The following ERC2 variants were observed in gnomAD, a reference collection of about 807,000 sequenced individuals.
The protein encoded by ERC2 is ELKS/RAB6-interacting/CAST family member 2, also known as ERC protein 2.
In ERC2, 42 loss-of-function variants were observed where a neutral mutation model predicts 114.8. The ratio of observed to expected loss-of-function variants is 0.37; its 90% CI spans 0.29 to 0.47. The LOEUF is 0.47. ERC2 is among the 20% of genes least tolerant of loss of function. The pLI is 0.99. For missense variants in ERC2, 939 were observed against 1,150.7 expected (o/e 0.82, Z 2.66); for synonymous variants, 454 against 425.5 (o/e 1.07, Z -0.82).
At chr3:56,067,968 C>G (rs889615383) in intron 7 of ERC2, among the ~76,000 whole-genome samples, 1 of 152,096 alleles carries the variant, frequency 6.6e-6, no homozygotes, top group Non-Finnish European at 1.5e-5. Flanking sequence ...ATTTTCGCAT[C>G]GATTTTCATC....
intron 2 of ERC2, among the ~76,000 whole-genome samples, chr3:56,400,144 AC>A: frequency 6.6e-6 from 1 of 152,142 alleles, no homozygotes; most frequent in Admixed American, 6.6e-5. Flanking sequence ...TATATTTAGA[AC>A]TTTTTTAAAG....
chr3:56,271,538 C>G (rs559884862), intron 3 of ERC2, among the ~76,000 whole-genome samples: 3 of 152,086 alleles, frequency 2.0e-5, no homozygotes, highest in African/African-American at 7.2e-5. Flanking sequence ...AGTACAATCA[C>G]GGGCCCAAAC....
At chr3:56,276,735 G>C (rs759393855) in intron 3 of ERC2, among the ~76,000 whole-genome samples, 2 of 152,124 alleles carry the variant, frequency 1.3e-5, no homozygotes, top group Non-Finnish European at 2.9e-5. Context: ...CTAGTGCAGG[G>C]GTGTCCAATC....
chr3:55,742,017 C>T (rs1013006585), intron 14 of ERC2, among the ~76,000 whole-genome samples: 1 of 151,664 alleles, frequency 6.6e-6, no homozygotes, highest in East Asian at 1.9e-4. Context: ...TTTAATAACC[C>T]TAAACTGTCA....
At chr3:55,547,671 T>G (rs906339269) in intron 17 of ERC2, among the ~76,000 whole-genome samples, 3 of 152,196 alleles carry the variant, frequency 2.0e-5, no homozygotes, top group Admixed American at 1.3e-4. Context: ...AATAAAAAGC[T>G]AGTGCAGTTT....
At chr3:55,874,338 A>G (rs142434286) in intron 14 of ERC2, among the ~76,000 whole-genome samples, 3 of 152,238 alleles carry the variant, frequency 2.0e-5, no homozygotes, top group African/African-American at 7.2e-5. Flanking sequence ...CACTTGACCC[A>G]AAACTGAGAC....
At position 55,678,510 on chromosome 3, in the gene ERC2, C is replaced by T. The variant is rs144705792; in HGVS notation, c.*39+5284G>A. ...TTTTTGTTTTTCCACAGATTGCTACCCCTTACATGTCTTCTTATTCTATAA... is the reference window on the plus strand; with the variant it reads ...TTTTTGTTTTTCCACAGATTGCTACTCCTTACATGTCTTCTTATTCTATAA... On this transcript the variant is annotated intron_variant, in intron 17 of 17. Transcript: ENST00000288221. 3.2e-3 allele frequency among the ~76,000 whole-genome samples: 482 copies of T among 152,228 alleles called. 2 individuals are homozygous for T. Among genetic ancestry groups the T allele is most frequent in the African/African-American group, 0.011 (468 of 41,534 alleles).
At chr3:55,972,045 C>T (rs969459575) in intron 12 of ERC2, among the ~76,000 whole-genome samples, 2 of 152,142 alleles carry the variant, frequency 1.3e-5, no homozygotes, top group Non-Finnish European at 2.9e-5. Context: ...CATTTGGCTT[C>T]CCTGATGCCA....
intron 17 of ERC2, among the ~76,000 whole-genome samples, chr3:55,641,534 A>G (rs2060181889): frequency 7.6e-6 from 1 of 131,724 alleles, no homozygotes; most frequent in Admixed American, 8.3e-5. Flanking sequence ...TGGGTGACAG[A>G]GCAAGATTCT....
At chr3:55,816,488 A>G (rs1401790368) in intron 14 of ERC2, among the ~76,000 whole-genome samples, 1 of 152,176 alleles carries the variant, frequency 6.6e-6, no homozygotes, top group Non-Finnish European at 1.5e-5. Context: ...ATTTACTAGT[A>G]ATGATGGTAA....
chr3:55,618,420 A>T (rs910475058), intron 17 of ERC2, among the ~76,000 whole-genome samples: 13 of 152,228 alleles, frequency 8.5e-5, no homozygotes, highest in African/African-American at 3.1e-4. Flanking sequence ...TTAAGCCCAA[A>T]AGGCTTTAGG....
chr3:55,952,241 A>G (rs2067633471), intron 12 of ERC2, among the ~76,000 whole-genome samples: 1 of 139,364 alleles, frequency 7.2e-6, no homozygotes, highest in Non-Finnish European at 1.6e-5. Context: ...TCTTCTTATG[A>G]ATATTTACAC....
chr3:55,650,054 G>C (rs1322802403), intron 17 of ERC2, among the ~76,000 whole-genome samples: 1 of 152,146 alleles, frequency 6.6e-6, no homozygotes, highest in Non-Finnish European at 1.5e-5. Context: ...CTCCAAGCCT[G>C]ATTCCTCACT....
At chr3:56,344,701 A>C (rs1340104109) in intron 2 of ERC2, among the ~76,000 whole-genome samples, 1 of 152,220 alleles carries the variant, frequency 6.6e-6, no homozygotes, top group Non-Finnish European at 1.5e-5. Flanking sequence ...GAGCATTTCC[A>C]CTAATGGAAC....
chr3:55,588,461 A>T (rs1465143649), intron 17 of ERC2, among the ~76,000 whole-genome samples: 1 of 152,232 alleles, frequency 6.6e-6, no homozygotes, highest in African/African-American at 2.4e-5. Context: ...GGTAAGCCGA[A>T]GGAATGTTAA....
chr3:56,438,214 C>T (rs1013082880), intron 1 of ERC2, among the ~76,000 whole-genome samples: 2 of 152,182 alleles, frequency 1.3e-5, no homozygotes, highest in African/African-American at 2.4e-5. Flanking sequence ...TCAAGGAGCT[C>T]AAACTCGCCA....
Position 56,077,423 on chromosome 3 carries a change from T to G in ERC2, c.1641+3394A>C, listed in dbSNP as rs183636864. ...TTCAACAAGTGATATCATAATCATG[T>G]TGCCGAAAGGAGCCATAATATACAA... On this transcript the variant is annotated intron_variant, in intron 7 of 17. Coordinates refer to ENST00000288221, the MANE Select transcript of ERC2 (RefSeq NM_015576.3). 1.6e-3 allele frequency among the ~76,000 whole-genome samples: 244 copies of G among 152,352 alleles called. 1 individual carries two copies. The highest frequency in any genetic ancestry group is 3.2e-3 in the Admixed American group (49 of 15,300).
intron 15 of ERC2, among the ~76,000 whole-genome samples, chr3:55,719,396 A>T (rs563208563): frequency 6.6e-6 from 1 of 152,300 alleles, no homozygotes; most frequent in African/African-American, 2.4e-5. Flanking sequence ...GCCTAAGAAC[A>T]TTGTTCTAGA....
At chr3:56,293,092 T>TAATG (rs199907523) in intron 3 of ERC2, among the ~76,000 whole-genome samples, 3 of 152,124 alleles carry the variant, frequency 2.0e-5, no homozygotes, top group Non-Finnish European at 4.4e-5. Context: ...ATGGATGGAT[T>TAATG]AATGAATGAA....
Sources: gnomAD v4.1 joint callset for allele counts (sites outside exome capture counted in the v4.1 genomes callset) on GRCh38, gnomAD v4.1.1 for gene constraint, MANE v1.5 for transcripts, NCBI Gene and HGNC (gene_info 2026-07-23, HGNC 2026-07-21) for gene names.